Variants in ITPR1 observed in about 807,000 individuals in gnomAD.
The protein encoded by ITPR1 is inositol 1,4,5-trisphosphate receptor type 1, also known as inositol 1,4,5-trisphosphate-gated calcium channel ITPR1.
In ITPR1, 96 loss-of-function variants were observed where a neutral mutation model predicts 318.4. That is an observed-to-expected ratio of 0.30 (90% confidence interval 0.26 to 0.36). The LOEUF is 0.36. Ranked by LOEUF, ITPR1 falls within the 10% of genes least tolerant of loss-of-function variation. ITPR1 has a pLI of 1.00. For missense variants in ITPR1, 2,440 were observed against 3,460.2 expected (o/e 0.71, Z 7.40); for synonymous variants, 1,312 against 1,289.9 (o/e 1.02, Z -0.37).
chr3:4,638,581 T>A (rs2093260047), intron 5 of ITPR1, among the ~76,000 whole-genome samples: 1 of 152,232 alleles, frequency 6.6e-6, no homozygotes, highest in African/African-American at 2.4e-5. Context: ...TGGATTTGAA[T>A]ACTATCTCTG....
intron 52 of ITPR1, among the ~76,000 whole-genome samples, chr3:4,792,232 A>G (rs1355930688): frequency 6.6e-6 from 1 of 152,138 alleles, no homozygotes; most frequent in East Asian, 1.9e-4. Context: ...CCCACCTCAC[A>G]TCCTTAACCT....
chr3:4,625,289 A>G (rs2092787961), intron 4 of ITPR1, among the ~76,000 whole-genome samples: 1 of 151,156 alleles, frequency 6.6e-6, no homozygotes, highest in Non-Finnish European at 1.5e-5. Flanking sequence ...TTAATTATGG[A>G]TCATGACTAG....
intron 4 of ITPR1, among the ~76,000 whole-genome samples, chr3:4,536,785 T>C (rs945015102): frequency 1.3e-5 from 2 of 152,234 alleles, no homozygotes; most frequent in Admixed American, 6.5e-5. Context: ...TTGACCTGGC[T>C]TTCATTACCC....
intron 10 of ITPR1, among the ~76,000 whole-genome samples, chr3:4,646,849 A>T (rs2093469719): frequency 6.6e-6 from 1 of 152,142 alleles, no homozygotes; most frequent in African/African-American, 2.4e-5. Context: ...ATTTGAATAG[A>T]TAAATTTTTC....
intron 52 of ITPR1, among the ~76,000 whole-genome samples, chr3:4,794,063 G>A (rs55917836): frequency 0.022 from 3,304 of 152,272 alleles, 60 homozygotes; most frequent in South Asian, 0.047. Flanking sequence ...CCATTCTCAC[G>A]TACTCCATGC....
intron 55 of ITPR1, 69 bp downstream of exon 55, chr3:4,806,336 A>G (rs1486475332): frequency 1.4e-6 from 2 of 1,408,190 alleles, no homozygotes; most frequent in African/African-American, 1.4e-5. Context: ...CCTCTCTCTC[A>G]TCACAGACCC....
At chr3:4,522,257 A>C (rs1168601444) in intron 4 of ITPR1, among the ~76,000 whole-genome samples, 1 of 152,184 alleles carries the variant, frequency 6.6e-6, no homozygotes, top group Non-Finnish European at 1.5e-5. Context: ...GCGGAAAACC[A>C]CTGGGTTAGG....
chr3:4,752,493 C>T (rs2044615150), intron 44 of ITPR1, among the ~76,000 whole-genome samples: 1 of 152,170 alleles, frequency 6.6e-6, no homozygotes, highest in East Asian at 1.9e-4. Flanking sequence ...ACATCAGCTG[C>T]CTTTGGCTGG....
intron 4 of ITPR1, among the ~76,000 whole-genome samples, chr3:4,603,976 A>G (rs549228581): frequency 6.6e-6 from 1 of 152,244 alleles, no homozygotes; most frequent in Non-Finnish European, 1.5e-5. Context: ...TTTCTCTGCA[A>G]CCTCTCTAAC....
chr3:4,711,144 G>A (rs553853186), intron 38 of ITPR1, among the ~76,000 whole-genome samples: 1 of 146,404 alleles, frequency 6.8e-6, no homozygotes, highest in Admixed American at 7.2e-5. Flanking sequence ...CCAGGAAGCA[G>A]AGGCTACAGT....
At chr3:4,613,346 A>T (rs2092242931) in intron 4 of ITPR1, among the ~76,000 whole-genome samples, 1 of 152,228 alleles carries the variant, frequency 6.6e-6, no homozygotes, top group African/African-American at 2.4e-5. Flanking sequence ...CAGAGGGATG[A>T]CTTTGAATAG....
At chr3:4,611,990 A>G (rs2092149811) in intron 4 of ITPR1, among the ~76,000 whole-genome samples, 2 of 149,554 alleles carry the variant, frequency 1.3e-5, no homozygotes, top group African/African-American at 4.9e-5. Flanking sequence ...CTCAGAAACC[A>G]CCTCCCCCAA....
At position 4,826,760 on chromosome 3, in the gene ITPR1, C is replaced by T. The variant is rs1220584085; in HGVS notation, c.8028+8518C>T. ...TTGTGAGGCACTTGGCGTTTGGGCC[C>T]CGGTTCTGCACTGACCTCCCAGTGC... On this transcript the variant is annotated intron_variant, in intron 60 of 61. Coordinates refer to ENST00000649015, the MANE Select transcript of ITPR1 (RefSeq NM_001378452.1). The surrounding 1 kb of genome is among the most constrained non-coding windows in gnomAD (Gnocchi z 4.2). Among the ~76,000 whole-genome samples, 4 of 152,322 alleles carry T rather than the reference C, an allele frequency of 2.6e-5. No homozygotes were observed. Among genetic ancestry groups the T allele is most frequent in the East Asian group, 1.9e-4 (1 of 5,184 alleles).
At chr3:4,534,008 T>C (rs559809687) in intron 4 of ITPR1, among the ~76,000 whole-genome samples, 64 of 152,308 alleles carry the variant, frequency 4.2e-4, no homozygotes, top group Non-Finnish European at 2.8e-4. Context: ...CCCAACGTGC[T>C]CCTTGCATGT....
chr3:4,630,268 TG>T lies in ITPR1; in HGVS notation c.279+2391del, dbSNP rs142172491. 1.6e-3 allele frequency among the ~76,000 whole-genome samples: 238 copies of T among 152,200 alleles called. 1 individual carries two copies. In the East Asian group the frequency reaches 0.022, roughly 14 times the overall value. On this transcript the variant is annotated intron_variant, in intron 5 of 61. Transcript: ENST00000649015. ...TGGTGTAGGTATATGGTATTGGCAG[TG>T]TGAAAAGCATGTTATCTGTGACGTG...
chr3:4,824,542 G>A (rs558981787), intron 60 of ITPR1, among the ~76,000 whole-genome samples: 16 of 152,236 alleles, frequency 1.1e-4, no homozygotes, highest in African/African-American at 2.6e-4. Context: ...GCAGCCATTG[G>A]CTGGCTGGCG....
At chr3:4,622,854 T>C (rs1057472537) in intron 4 of ITPR1, among the ~76,000 whole-genome samples, 2 of 152,202 alleles carry the variant, frequency 1.3e-5, no homozygotes, top group African/African-American at 4.8e-5. Context: ...TTCAACACCA[T>C]TGTTGTGCTT....
intron 4 of ITPR1, among the ~76,000 whole-genome samples, chr3:4,604,490 T>A (rs1043020773): frequency 1.3e-5 from 2 of 152,078 alleles, no homozygotes; most frequent in South Asian, 4.1e-4. Flanking sequence ...TAGGGAGGGA[T>A]GGGGTGTTCA....
In ITPR1 at chr3:4,522,983, G is replaced by A. The variant is rs150983155; in HGVS notation, c.163+1889G>A. On this transcript the variant is annotated intron_variant, in intron 4 of 61. Coordinates refer to ENST00000649015, the MANE Select transcript of ITPR1 (RefSeq NM_001378452.1). Reference sequence around the variant, plus strand: ...TAGCTGAATCCAGCTCAGGGATTTTGAGTTAACTGGGCATTGGGATTTTTG... The same window carrying A: ...TAGCTGAATCCAGCTCAGGGATTTTAAGTTAACTGGGCATTGGGATTTTTG... Among the ~76,000 whole-genome samples the A allele has an allele frequency of 6.6e-4, 100 of 152,356 alleles. 1 individual carries two copies. The highest frequency in any genetic ancestry group is 2.3e-3 in the African/African-American group (94 of 41,584).
Sources: allele counts gnomAD v4.1 joint callset (sites outside exome capture counted in the v4.1 genomes callset), GRCh38; gene constraint gnomAD v4.1.1; non-coding constraint Gnocchi (gnomAD v3.1); transcripts MANE v1.5; gene names NCBI Gene and HGNC (gene_info 2026-07-23, HGNC 2026-07-21).